HSPA14: variants seen among roughly 807,000 people sequenced by gnomAD.
HSPA14 encodes heat shock 70 kDa protein 14.
HSPA14 carries 37 observed loss-of-function variants against 65.5 expected under a neutral mutation model. That is an observed-to-expected ratio of 0.56 (90% confidence interval 0.43 to 0.74). The LOEUF (loss-of-function observed/expected upper bound fraction) is 0.74. Among genes scored for constraint, HSPA14 ranks in the 30% least tolerant of loss-of-function variants. The pLI is 0.00. For missense variants in HSPA14, 564 were observed against 607.6 expected (o/e 0.93, Z 0.75); for synonymous variants, 203 against 214.2 (o/e 0.95, Z 0.46).
Position 14,871,574 on chromosome 10 carries a change from T to C in HSPA14, c.1498T>C (p.Cys500Arg), listed in dbSNP as rs766966072. The change falls in exon 14 of 14, where the codon TGT becomes CGT. Residue 500 changes from cysteine to arginine, a missense_variant. By Grantham distance (180) the Cys-to-Arg change is radical (BLOSUM62 -3). Transcript: ENST00000378372. ...ATGCACAGATCAAGAAACTGGAAAA[T>C]GTGAAGCAATCTCTATTGAGATAGC... is the stretch of plus-strand genomic sequence containing the variant. ...VTCTDQETGK[C>R]EAISIEIAS is the part of the protein sequence containing the mutation. 1 of 1,596,430 alleles carries C rather than the reference T, an allele frequency of 6.3e-7. No individual in the cohort carries two copies. The highest frequency in any genetic ancestry group is 1.7e-5 in the Admixed American group (1 of 57,448).
At chr10:14,846,737 T>C (rs1834059805) in intron 3 of HSPA14, 1 of 985,242 alleles carries the variant, frequency 1.0e-6, no homozygotes, top group Non-Finnish European at 1.2e-6. Flanking sequence ...GGCACTGTCA[T>C]GTAACAAGTA....
rs1382334125 is a variant in HSPA14, at chr10:14,843,734, G to T, written c.221+3577G>T. ...AAACTGGACAGGCTGATTGCTATTGGTGAGGAGGCCAGTGCTCAGCAAGAT... is the reference window on the plus strand; with the variant it reads ...AAACTGGACAGGCTGATTGCTATTGTTGAGGAGGCCAGTGCTCAGCAAGAT... On this transcript the variant is annotated intron_variant, in intron 3 of 13. Transcript: ENST00000378372. 12 of 1,537,142 alleles carry T rather than the reference G, an allele frequency of 7.8e-6. No individual in the cohort carries two copies. In the South Asian group the frequency reaches 1.3e-4, roughly 17 times the overall value.
chr10:14,868,293 A>G (rs539504486), intron 12 of HSPA14, among the ~76,000 whole-genome samples: 1 of 152,182 alleles, frequency 6.6e-6, no homozygotes, highest in South Asian at 2.1e-4. Context: ...TTCTTGGTCA[A>G]GCTAGGGTTT....
intron 13 of HSPA14, among the ~76,000 whole-genome samples, chr10:14,871,004 TAA>T (rs975207011): frequency 1.2e-4 from 18 of 152,314 alleles, no homozygotes; most frequent in African/African-American, 3.8e-4. Context: ...TATGAAAGGG[TAA>T]GTTTCTTTAT....
chr10:14,848,196 A>T (rs1834077262), intron 3 of HSPA14, among the ~76,000 whole-genome samples: 1 of 152,144 alleles, frequency 6.6e-6, no homozygotes, highest in South Asian at 2.1e-4. Context: ...GTGTTCAGAA[A>T]CCAAGCAACG....
intron 7 of HSPA14, 120 bp downstream of exon 7, chr10:14,851,443 AAC>A (rs1164208203): frequency 1.7e-5 from 11 of 644,734 alleles, no homozygotes; most frequent in Non-Finnish European, 8.2e-6. Flanking sequence ...TGGATGGAAA[AAC>A]AGACTCTTGC....
At position 14,848,627 on chromosome 10, in the gene HSPA14, T is replaced by C. The variant is rs1444292657; in HGVS notation, c.240T>C (p.Ala80=). ...ILGRSSSDPQ[A]QKYIAESKCL... is the part of the protein sequence containing the mutation. The stretch of plus-strand genomic sequence containing the variant: ...TGGACAGCTCCAGTGATCCACAAGC[T>C]CAGAAATACATCGCGGAAAGTAAAT... Residue 80 remains alanine (A), a synonymous_variant, in exon 4 of 14, where the codon GCT becomes GCC. Transcript: ENST00000378372. 6.2e-7 allele frequency: 1 copy of C among 1,611,512 alleles called. No individual in the cohort carries two copies. The highest frequency in any genetic ancestry group is 1.7e-5 in the Admixed American group (1 of 59,952).
At chr10:14,867,006 C>G in intron 10 of HSPA14, 77 bp from the exon 11 acceptor site, 1 of 977,778 alleles carries the variant, frequency 1.0e-6, no homozygotes, top group Non-Finnish European at 1.6e-6. Flanking sequence ...ATGAAGATGA[C>G]TCAGTCTATT....
chr10:14,848,162 C>G (rs1834077024), intron 3 of HSPA14, among the ~76,000 whole-genome samples: 1 of 152,180 alleles, frequency 6.6e-6, no homozygotes, highest in Admixed American at 6.5e-5. Context: ...TTTTGCTCAA[C>G]CTTTTGGTTT....
chr10:14,858,156 G>GTATTA (rs1249814991), intron 10 of HSPA14, among the ~76,000 whole-genome samples: 1 of 152,138 alleles, frequency 6.6e-6, no homozygotes, highest in Non-Finnish European at 1.5e-5. Context: ...AGTAAGTATT[G>GTATTA]TAAGTATAAG....
Position 14,842,693 on chromosome 10 carries a change from G to A in HSPA14, c.221+2536G>A, listed in dbSNP as rs1415667591. 2.5e-5 allele frequency: 39 copies of A among 1,536,202 alleles called. No homozygotes were observed. The highest frequency in any genetic ancestry group is 2.8e-5 in the Non-Finnish European group (32 of 1,146,960). ...TGACGCCCCAGGGGAAGAGGGAACC[G>A]GCATTCTAAAATCAAAAAGGACTCA... On this transcript the variant is annotated intron_variant, in intron 3 of 13. Transcript: ENST00000378372. This position sits in a 1 kb window ranked among gnomAD's most constrained non-coding sequence, Gnocchi z 5.2.
intron 3 of HSPA14, chr10:14,844,925 C>G (rs1834030084): frequency 1.0e-6 from 1 of 985,226 alleles, no homozygotes; most frequent in Admixed American, 6.1e-5. Flanking sequence ...GAAACGTTTC[C>G]TTTTGAGGAG....
intron 3 of HSPA14, among the ~76,000 whole-genome samples, chr10:14,841,553 C>T (rs1371207542): frequency 6.6e-6 from 1 of 152,162 alleles, no homozygotes; most frequent in African/African-American, 2.4e-5. Flanking sequence ...TCGATATAGT[C>T]CAGATACAGA....
At position 14,849,800 on chromosome 10, in the gene HSPA14, A is replaced by G. The variant is rs761462333; in HGVS notation, c.456A>G (p.Lys152=). 1.2e-6 allele frequency: 2 copies of G among 1,609,940 alleles called. No homozygotes were observed. Among genetic ancestry groups the G allele is most frequent in the Non-Finnish European group, 1.7e-6 (2 of 1,176,522 alleles). The change falls in exon 6 of 14, where the codon AAA becomes AAG. Residue 152 remains lysine, a synonymous_variant. Coordinates refer to ENST00000378372, the MANE Select transcript of HSPA14 (RefSeq NM_016299.4). The part of the protein sequence containing the change: ...TVPFDFGEKQ[K]NALGEAARAA... Reference sequence around the variant, plus strand: ...CGTTTGATTTTGGAGAAAAGCAAAAAAATGCTCTTGGGTAAGTATATGGGG... The same window carrying G: ...CGTTTGATTTTGGAGAAAAGCAAAAGAATGCTCTTGGGTAAGTATATGGGG...
At chr10:14,870,087 G>A (rs540542773) in intron 12 of HSPA14, among the ~76,000 whole-genome samples, 46 of 152,162 alleles carry the variant, frequency 3.0e-4, no homozygotes, top group Non-Finnish European at 5.6e-4. Flanking sequence ...AGGAAACTGA[G>A]GAATTTTATA....
chr10:14,867,014 A>G lies in HSPA14; in HGVS notation c.994-69A>G, dbSNP rs1832812244. ...ACATACGATGAAGATGACTCAGTCT[A>G]TTACACTTAATTTTGAGACACAGCA... On this transcript the variant is annotated intron_variant, in intron 10 of 13. Coordinates refer to ENST00000378372, the MANE Select transcript of HSPA14 (RefSeq NM_016299.4). The G allele has an allele frequency of 3.6e-6, 4 of 1,126,284 alleles. No individual in the cohort carries two copies. The East Asian group carries it at 9.4e-5, about 27-fold the overall frequency. The allele number at this position is 1,126,284 out of a possible 1,614,324, so 69.8% of individuals were successfully genotyped here. A position where few individuals can be genotyped will look rare whatever the true frequency, so the allele number is the denominator to read the frequency against.
intron 3 of HSPA14, chr10:14,845,804 C>CAT (rs1307441739): frequency 1.1e-5 from 2 of 178,070 alleles, no homozygotes; most frequent in African/African-American, 4.8e-5. Flanking sequence ...TCAGGTGATC[C>CAT]ACCTGCCTCG....
intron 11 of HSPA14, 95 bp from the exon 12 acceptor site, chr10:14,867,641 T>C: frequency 4.7e-6 from 5 of 1,063,802 alleles, no homozygotes; most frequent in Non-Finnish European, 6.9e-6. Context: ...GTCCTGTTTA[T>C]CAATAAGGAA....
Position 14,854,241 on chromosome 10 carries a change from C to A in HSPA14, c.851C>A (p.Ser284Ter). Reference sequence around the variant, plus strand: ...GGAAGTGCCAACTGTTTTCTTGACTCATTATATGAAGGTCAAGATTTTGAT... The same window carrying A: ...GGAAGTGCCAACTGTTTTCTTGACTAATTATATGAAGGTCAAGATTTTGAT... ...TLGSANCFLD[S>*]LYEGQDFDCN... The change falls in exon 9 of 14, where the codon TCA becomes TAA. Residue 284 changes from serine to a stop codon, truncating the protein, a stop_gained. Coordinates refer to ENST00000378372, the MANE Select transcript of HSPA14 (RefSeq NM_016299.4). LOFTEE classifies it high-confidence loss of function. The A allele has an allele frequency of 6.2e-7, 1 of 1,612,856 alleles. No individual in the cohort carries two copies. Among genetic ancestry groups the A allele is most frequent in the Non-Finnish European group, 8.5e-7 (1 of 1,179,572 alleles).
Sources: allele counts gnomAD v4.1 joint callset (sites outside exome capture counted in the v4.1 genomes callset), GRCh38; gene constraint gnomAD v4.1.1; non-coding constraint Gnocchi (gnomAD v3.1); transcripts MANE v1.5; gene names NCBI Gene and HGNC (gene_info 2026-07-23, HGNC 2026-07-21).